Variants in CSMD1 observed in about 807,000 individuals in gnomAD.
CSMD1 encodes CUB and sushi domain-containing protein 1.
Under a neutral mutation model 417.5 loss-of-function variants are expected in CSMD1, and 213 were observed. The observed-to-expected ratio is 0.51, with a 90% CI of 0.46 to 0.57. The LOEUF (loss-of-function observed/expected upper bound fraction) is 0.57. Among genes scored for constraint, CSMD1 ranks in the 20% least tolerant of loss-of-function variants. The pLI is 0.00. For missense variants in CSMD1, 6,923 were observed against 4,529.7 expected (o/e 1.53, Z -15.17); for synonymous variants, 2,862 against 1,736.8 (o/e 1.65, Z -16.11).
At chr8:4,246,499 G>C (rs1036751812) in intron 3 of CSMD1, among the ~76,000 whole-genome samples, 2 of 152,136 alleles carry the variant, frequency 1.3e-5, no homozygotes, top group Non-Finnish European at 2.9e-5. Context: ...AGTTTTTAAA[G>C]AAAATTGTAA....
At chr8:3,221,421 T>C (rs570003851) in intron 28 of CSMD1, among the ~76,000 whole-genome samples, 7 of 152,290 alleles carry the variant, frequency 4.6e-5, no homozygotes, top group Admixed American at 3.9e-4. Context: ...TTTAGAGTAT[T>C]GGCAAGGATG....
chr8:3,023,108 G>A (rs1478844645), intron 51 of CSMD1, among the ~76,000 whole-genome samples: 1 of 152,174 alleles, frequency 6.6e-6, no homozygotes, highest in Non-Finnish European at 1.5e-5. Context: ...CTACGCTGTG[G>A]TTTCCTCGGA....
chr8:4,426,849 T>C (rs572381709), intron 2 of CSMD1, among the ~76,000 whole-genome samples: 1 of 151,288 alleles, frequency 6.6e-6, no homozygotes, highest in Admixed American at 6.6e-5. Context: ...TTATGTACTA[T>C]ATTATAGCAG....
intron 9 of CSMD1, among the ~76,000 whole-genome samples, chr8:3,585,083 G>C (rs141656109): frequency 5.3e-5 from 8 of 152,172 alleles, no homozygotes; most frequent in Non-Finnish European, 1.0e-4. Context: ...TCCCCTTCCG[G>C]TGGGGCGGGT....
chr8:3,167,969 G>C (rs1262759028), intron 37 of CSMD1, among the ~76,000 whole-genome samples: 1 of 151,680 alleles, frequency 6.6e-6, no homozygotes, highest in Admixed American at 6.6e-5. Context: ...GACTTTTGTA[G>C]ATATTATGAA....
chr8:4,472,753 C>A (rs1173722764), intron 2 of CSMD1, among the ~76,000 whole-genome samples: 1 of 151,840 alleles, frequency 6.6e-6, no homozygotes. Context: ...ACGTTCACTT[C>A]TTTTAATATA....
intron 3 of CSMD1, among the ~76,000 whole-genome samples, chr8:4,095,131 G>A (rs540538220): frequency 2.3e-4 from 35 of 152,286 alleles, no homozygotes; most frequent in African/African-American, 5.5e-4. Context: ...AAAGAACTTG[G>A]GAGGAAGAGA....
At chr8:3,514,350 T>C (rs1159343193) in intron 10 of CSMD1, among the ~76,000 whole-genome samples, 2 of 152,184 alleles carry the variant, frequency 1.3e-5, no homozygotes, top group Non-Finnish European at 2.9e-5. Context: ...CCTGGTGATG[T>C]TGTAAGTCTT....
chr8:4,671,335 C>A (rs544182330), intron 1 of CSMD1, among the ~76,000 whole-genome samples: 1 of 151,874 alleles, frequency 6.6e-6, no homozygotes, highest in East Asian at 1.9e-4. Context: ...TTTTTTAAAC[C>A]TAATTGATGC....
In CSMD1 at chr8:3,905,400, G is replaced by C. The variant is rs531369995; in HGVS notation, c.818+92503C>G. 2.0e-3 allele frequency among the ~76,000 whole-genome samples: 300 copies of C among 152,244 alleles called. 1 individual carries two copies. The highest frequency in any genetic ancestry group is 6.9e-3 in the African/African-American group (286 of 41,562). On this transcript the variant is annotated intron_variant, in intron 5 of 69. Transcript: ENST00000635120. ...TCTTAGTAACTGTAAATACTGGTAA[G>C]GCCACAATTAACCAGGCAGGTGGCG...
chr8:3,401,694 G>A lies in CSMD1; in HGVS notation c.2267-2165C>T, dbSNP rs147353390. Among the ~76,000 whole-genome samples, 1,297 of 152,144 alleles carry A rather than the reference G, an allele frequency of 8.5e-3. 19 individuals are homozygous for A. The highest frequency in any genetic ancestry group is 0.029 in the African/African-American group (1,217 of 41,498). On this transcript the variant is annotated intron_variant, in intron 15 of 69. Transcript: ENST00000635120. The stretch of plus-strand genomic sequence containing the variant: ...CACAGGTCCCTTCTTCAGTTGCTAT[G>A]GCAGGTGGAAAAAGGTCTTAGGAAA...
chr8:4,274,771 G>C (rs1175681019), intron 3 of CSMD1, among the ~76,000 whole-genome samples: 1 of 152,102 alleles, frequency 6.6e-6, no homozygotes, highest in East Asian at 1.9e-4. Flanking sequence ...GGGATTATTA[G>C]AATTTTTTAT....
At chr8:4,056,863 A>C (rs1798720551) in intron 3 of CSMD1, among the ~76,000 whole-genome samples, 1 of 152,178 alleles carries the variant, frequency 6.6e-6, no homozygotes, top group South Asian at 2.1e-4. Context: ...AAGGACATGA[A>C]GTCATCATTT....
chr8:4,727,274 C>G (rs1425071765), intron 1 of CSMD1, among the ~76,000 whole-genome samples: 2 of 152,118 alleles, frequency 1.3e-5, no homozygotes, highest in African/African-American at 4.8e-5. Context: ...TTAATGTCTA[C>G]CGGTGAAGTC....
chr8:4,837,344 C>T (rs1464215931), intron 1 of CSMD1, among the ~76,000 whole-genome samples: 2 of 152,078 alleles, frequency 1.3e-5, no homozygotes, highest in Non-Finnish European at 1.5e-5. Context: ...TTGGAAGCAA[C>T]CTAAGTGTCC....
chr8:3,899,742 G>T (rs1320595850), intron 5 of CSMD1, among the ~76,000 whole-genome samples: 1 of 152,098 alleles, frequency 6.6e-6, no homozygotes. Flanking sequence ...GTTAGCAGTT[G>T]GAAGGGCTGT....
intron 1 of CSMD1, among the ~76,000 whole-genome samples, chr8:4,694,697 A>G (rs1458072987): frequency 6.6e-6 from 1 of 151,982 alleles, no homozygotes; most frequent in African/African-American, 2.4e-5. Flanking sequence ...TTGATGTCTC[A>G]TGTTTCCCTA....
At chr8:4,709,145 A>C (rs775435070) in intron 1 of CSMD1, among the ~76,000 whole-genome samples, 3 of 152,244 alleles carry the variant, frequency 2.0e-5, no homozygotes, top group Non-Finnish European at 4.4e-5. Context: ...GAAATTCTGA[A>C]CGAAATATAG....
At chr8:4,432,577 G>T (rs369608017) in intron 2 of CSMD1, among the ~76,000 whole-genome samples, 40 of 152,222 alleles carry the variant, frequency 2.6e-4, no homozygotes, top group Non-Finnish European at 4.6e-4. Flanking sequence ...TTAAAGACAG[G>T]CAGTAAAGCT....
Sources: allele counts gnomAD v4.1 joint callset (sites outside exome capture counted in the v4.1 genomes callset), GRCh38; gene constraint gnomAD v4.1.1; transcripts MANE v1.5; gene names NCBI Gene and HGNC (gene_info 2026-07-23, HGNC 2026-07-21).